PIWIL4: variants seen among roughly 807,000 people sequenced by gnomAD.
The protein encoded by PIWIL4 is piwi-like protein 4.
A neutral mutation model predicts 100.9 loss-of-function variants in PIWIL4; 50 were observed. That is an observed-to-expected ratio of 0.50 (90% CI 0.39 to 0.63). The LOEUF (loss-of-function observed/expected upper bound fraction) is 0.63. PIWIL4 is among the 20% of genes least tolerant of loss of function. The probability of loss-of-function intolerance (pLI) is 0.00; values close to 1 mark genes in which losing one functional copy is unlikely to be tolerated. For synonymous variants in PIWIL4, 342 were observed against 367.5 expected (o/e 0.93, Z 0.79); for missense variants, 887 against 1,043.3 (o/e 0.85, Z 2.06).
rs137890247 is a variant in PIWIL4, at chr11:94,595,386, C to G, written c.1228C>G (p.Arg410Gly). 3 of 1,613,836 alleles carry G rather than the reference C, an allele frequency of 1.9e-6. No individual in the cohort carries two copies. The highest frequency in any genetic ancestry group is 1.7e-6 in the Non-Finnish European group (2 of 1,179,800). ...AAAGACACGTCTCAGTCCTTCAGGC[C>G]GGCAGCAGCGCCTGGCCAGGCTTGT... ...AEKTRLSPSG[R>G]QQRLARLVDN... Residue 410 changes from arginine (R) to glycine (G), a missense_variant, in exon 10 of 20, where the codon CGG becomes GGG. Transcript: ENST00000299001.
In PIWIL4 at chr11:94,592,450, C is replaced by T. The variant is rs77645836; in HGVS notation, c.1027-1068C>T. On this transcript the variant is annotated intron_variant, in intron 8 of 19. Coordinates refer to ENST00000299001, the MANE Select transcript of PIWIL4 (RefSeq NM_152431.3). ...TGCCGTTCCTGGAACACAGTAAGCACGCCATGTGTTCTAAATTAATGGAGT... is the reference window on the plus strand; with the variant it reads ...TGCCGTTCCTGGAACACAGTAAGCATGCCATGTGTTCTAAATTAATGGAGT... Among the ~76,000 whole-genome samples, 1,208 of 152,284 alleles carry T rather than the reference C, an allele frequency of 7.9e-3. 16 individuals carry two copies. Among genetic ancestry groups the T allele is most frequent in the African/African-American group, 0.028 (1,144 of 41,550 alleles).
chr11:94,620,102 G>A lies in PIWIL4; in HGVS notation c.2400G>A (p.Gln800=). ...DDNGLKPDHM[Q]RLTFKLCHLY... Reference sequence around the variant, plus strand: ...ACGGCTTGAAGCCCGACCATATGCAGAGACTTACATTCAAATTGTGCCACC... The same window carrying A: ...ACGGCTTGAAGCCCGACCATATGCAAAGACTTACATTCAAATTGTGCCACC... The change falls in exon 19 of 20, where the codon CAG becomes CAA. Residue 800 remains glutamine (Q), a synonymous_variant. Transcript: ENST00000299001. The A allele has an allele frequency of 6.2e-7, 1 of 1,612,070 alleles. No homozygotes were observed. Among genetic ancestry groups the A allele is most frequent in the Non-Finnish European group, 8.5e-7 (1 of 1,179,144 alleles).
At position 94,620,537 on chromosome 11, in the gene PIWIL4, G is replaced by T. The variant is rs540617043; in HGVS notation, c.2443-339G>T. On this transcript the variant is annotated intron_variant, in intron 19 of 19. Coordinates refer to ENST00000299001, the MANE Select transcript of PIWIL4 (RefSeq NM_152431.3). ...GCCTGGGTCTGCCCTTTGTTCCTGT[G>T]CATTAGGCCAAGAGCTGTTCCCAAA... Among the ~76,000 whole-genome samples the T allele has an allele frequency of 2.2e-4, 34 of 152,274 alleles. No individual in the cohort carries two copies. In the East Asian group the frequency reaches 5.2e-3, roughly 23 times the overall value.
intron 10 of PIWIL4, among the ~76,000 whole-genome samples, chr11:94,597,189 G>T (rs562002633): frequency 9.4e-4 from 143 of 152,338 alleles, no homozygotes; most frequent in African/African-American, 3.4e-3. Flanking sequence ...GATAGAGAGG[G>T]TAATAGGAAG....
chr11:94,595,712 G>A lies in PIWIL4; in HGVS notation c.1268+286G>A, dbSNP rs543990965. Among the ~76,000 whole-genome samples the A allele has an allele frequency of 6.4e-4, 97 of 152,228 alleles. 1 individual carries two copies. The highest frequency in any genetic ancestry group is 4.4e-3 in the Admixed American group (68 of 15,296). ...GGATAAAATGTTGAATAAAGAAAAAGGTTATAATCTAAACAATAACAACAA... is the reference window on the plus strand; with the variant it reads ...GGATAAAATGTTGAATAAAGAAAAAAGTTATAATCTAAACAATAACAACAA... On this transcript the variant is annotated intron_variant, in intron 10 of 19. Coordinates refer to ENST00000299001, the MANE Select transcript of PIWIL4 (RefSeq NM_152431.3).
chr11:94,577,543 A>G (rs1464657470), intron 4 of PIWIL4, 51 bp downstream of exon 4: 2 of 1,401,594 alleles, frequency 1.4e-6, no homozygotes, highest in Non-Finnish European at 9.9e-7. Context: ...TGTTTATTAT[A>G]TGTGTATACA....
In PIWIL4 at chr11:94,585,536, T is replaced by C; in HGVS notation, c.716+11T>C. ...AATTCCCCAGCACAAGTAGGTTTAT[T>C]TATATTTTCTGTTACTCCGAAATTA... is the stretch of plus-strand genomic sequence containing the variant. On this transcript the variant is annotated intron_variant, in intron 6 of 19. Coordinates refer to ENST00000299001, the MANE Select transcript of PIWIL4 (RefSeq NM_152431.3). The C allele has an allele frequency of 6.3e-7, 1 of 1,579,450 alleles. No homozygotes were observed. The highest frequency in any genetic ancestry group is 8.7e-7 in the Non-Finnish European group (1 of 1,155,220).
chr11:94,597,210 T>A (rs1948569202), intron 10 of PIWIL4, among the ~76,000 whole-genome samples: 2 of 152,240 alleles, frequency 1.3e-5, no homozygotes. Context: ...ATCCTGAATC[T>A]TCTGAAGCTT....
Position 94,618,049 on chromosome 11 carries a change from A to ATTT in PIWIL4, c.2112_2113insTTT (p.Ile704_Glu705insPhe). 1 of 1,606,096 alleles carries ATTT rather than the reference A, an allele frequency of 6.2e-7. No homozygotes were observed. Among genetic ancestry groups the ATTT allele is most frequent in the Non-Finnish European group, 8.5e-7 (1 of 1,174,780 alleles). ...AGGGGATGGTCAGCTGAAAACACTT[A>ATTT]TTGAATATGAAGTCCCACAGCTGCT... On this transcript the variant is annotated inframe_insertion, in exon 17 of 20. Coordinates refer to ENST00000299001, the MANE Select transcript of PIWIL4 (RefSeq NM_152431.3).
At chr11:94,575,200 T>A in intron 3 of PIWIL4, 70 bp downstream of exon 3, 1 of 1,483,652 alleles carries the variant, frequency 6.7e-7, no homozygotes. Flanking sequence ...AAATTCTAGG[T>A]CTAAAATAAA....
chr11:94,576,706 C>T (rs761252862), intron 3 of PIWIL4, among the ~76,000 whole-genome samples: 1 of 152,196 alleles, frequency 6.6e-6, no homozygotes, highest in Non-Finnish European at 1.5e-5. Context: ...TCTGTTTTCA[C>T]GTCGGAAAAA....
At chr11:94,615,836 T>C (rs1948840543) in intron 15 of PIWIL4, among the ~76,000 whole-genome samples, 1 of 152,194 alleles carries the variant, frequency 6.6e-6, no homozygotes, top group South Asian at 2.1e-4. Context: ...TAGAGAGGTA[T>C]AATAATGCTG....
intron 1 of PIWIL4, among the ~76,000 whole-genome samples, chr11:94,568,197 C>G (rs1948102467): frequency 6.6e-6 from 1 of 152,080 alleles, no homozygotes; most frequent in African/African-American, 2.4e-5. Flanking sequence ...ATGAAGTGGT[C>G]TTCTCTGGAC....
chr11:94,592,224 A>G (rs757770511), intron 8 of PIWIL4, among the ~76,000 whole-genome samples: 1 of 152,174 alleles, frequency 6.6e-6, no homozygotes, highest in Non-Finnish European at 1.5e-5. Flanking sequence ...ATTTCCAGTT[A>G]TGGAGCCTTG....
At chr11:94,609,048 C>T (rs1948759192) in intron 15 of PIWIL4, among the ~76,000 whole-genome samples, 1 of 152,106 alleles carries the variant, frequency 6.6e-6, no homozygotes, top group Non-Finnish European at 1.5e-5. Context: ...AATCAGATTG[C>T]CTGGATTTAT....
intron 7 of PIWIL4, 135 bp downstream of exon 7, chr11:94,587,382 T>G (rs2135260148): frequency 1.5e-5 from 15 of 977,648 alleles, no homozygotes; most frequent in Middle Eastern, 3.3e-4. Context: ...AAGACCTGGT[T>G]GTTTTGCTGT....
chr11:94,604,837 G>T (rs1283437855), intron 13 of PIWIL4, among the ~76,000 whole-genome samples: 2 of 152,022 alleles, frequency 1.3e-5, no homozygotes, highest in African/African-American at 2.4e-5. Flanking sequence ...AACTAGCTAA[G>T]TGCTATCTCT....
chr11:94,575,598 A>G (rs1422874483), intron 3 of PIWIL4, among the ~76,000 whole-genome samples: 3 of 152,238 alleles, frequency 2.0e-5, no homozygotes, highest in African/African-American at 7.2e-5. Flanking sequence ...CCACCTCACG[A>G]AAGTTAAAAC....
chr11:94,607,395 G>A lies in PIWIL4; in HGVS notation c.1639-44G>A, dbSNP rs372640671. ...TTCTTTAAAAAGCAACTTCTTAGCA[G>A]AAGTAAATTAACTTCCAAAATCTTT... On this transcript the variant is annotated intron_variant, in intron 13 of 19. Transcript: ENST00000299001. 3.9e-6 allele frequency: 6 copies of A among 1,542,712 alleles called. No homozygotes were observed. The African/African-American group carries it at 8.2e-5, about 21-fold the overall frequency.
Sources: allele counts gnomAD v4.1 joint callset (sites outside exome capture counted in the v4.1 genomes callset), GRCh38; gene constraint gnomAD v4.1.1; transcripts MANE v1.5; gene names NCBI Gene and HGNC (gene_info 2026-07-23, HGNC 2026-07-21).